The following ARHGEF10L variants were observed in gnomAD, a reference collection of about 807,000 sequenced individuals.
The protein encoded by ARHGEF10L is rho guanine nucleotide exchange factor 10-like protein.
Under a neutral mutation model 141.2 loss-of-function variants are expected in ARHGEF10L, and 69 were observed. The ratio of observed to expected loss-of-function variants is 0.49; its 90% CI spans 0.40 to 0.60. The LOEUF (loss-of-function observed/expected upper bound fraction) is 0.60. Among genes scored for constraint, ARHGEF10L ranks in the 20% least tolerant of loss-of-function variants. The probability of loss-of-function intolerance (pLI) is 0.00; values close to 1 mark genes in which losing one functional copy is unlikely to be tolerated. For synonymous variants in ARHGEF10L, 711 were observed against 718.5 expected, an observed-to-expected ratio of 0.99 and a Z score of 0.17; for missense variants, 1,482 against 1,734.3, an observed-to-expected ratio of 0.85 and a Z score of 2.58.
intron 4 of ARHGEF10L, among the ~76,000 whole-genome samples, chr1:17,591,836 C>T (rs1020793296): frequency 1.3e-5 from 2 of 152,222 alleles, no homozygotes; most frequent in Non-Finnish European, 2.9e-5. Context: ...GCATGAACCA[C>T]TGCATCTGGC....
At chr1:17,523,884 T>C in the ARHGEF10L span, among the ~76,000 whole-genome samples, 4 of 152,196 alleles carry the variant, frequency 2.6e-5, no homozygotes, top group African/African-American at 9.7e-5. Context: ...CATTGGCACA[T>C]GCACACAGAG....
rs1277820785 is a variant in ARHGEF10L, at chr1:17,654,455, A to G, written c.2395-181A>G. ...CGGAAGGTTCTAGGAAAGGAAGAACAAATGTGAGCGTGTAGGAACTGCCTG... is the reference window on the plus strand; with the variant it reads ...CGGAAGGTTCTAGGAAAGGAAGAACGAATGTGAGCGTGTAGGAACTGCCTG... On this transcript the variant is annotated intron_variant, in intron 22 of 28. Coordinates refer to ENST00000361221, the MANE Select transcript of ARHGEF10L (RefSeq NM_018125.4). This position sits in a 1 kb window ranked among gnomAD's most constrained non-coding sequence, Gnocchi z 4.3. Among the ~76,000 whole-genome samples, 4 of 152,178 alleles carry G rather than the reference A, an allele frequency of 2.6e-5. No individual in the cohort carries two copies. Among genetic ancestry groups the G allele is most frequent in the African/African-American group, 9.7e-5 (4 of 41,440 alleles).
chr1:17,661,364 C>T (rs2062614354), intron 25 of ARHGEF10L, among the ~76,000 whole-genome samples: 2 of 152,264 alleles, frequency 1.3e-5, no homozygotes, highest in African/African-American at 4.8e-5. Context: ...AGGCGTGAGC[C>T]ACCGTACCCG....
At chr1:17,647,098 G>A (rs1041406395) in intron 21 of ARHGEF10L, among the ~76,000 whole-genome samples, 2 of 152,208 alleles carry the variant, frequency 1.3e-5, no homozygotes, top group East Asian at 1.9e-4. Flanking sequence ...GGCTGCCTGC[G>A]ACAGAGCTAC....
chr1:17,540,862 G>C (rs76843002), intron 1 of ARHGEF10L, among the ~76,000 whole-genome samples: 4 of 152,180 alleles, frequency 2.6e-5, no homozygotes, highest in African/African-American at 9.7e-5. Flanking sequence ...GCTCCTCCTC[G>C]GGTTCTGGGG....
At chr1:17,601,335 A>G (rs2080664908) in intron 4 of ARHGEF10L, among the ~76,000 whole-genome samples, 1 of 152,000 alleles carries the variant, frequency 6.6e-6, no homozygotes, top group South Asian at 2.1e-4. Flanking sequence ...GCTGTTTCCC[A>G]TTTGCATGTC....
chr1:17,514,043 C>G, the ARHGEF10L span, among the ~76,000 whole-genome samples: 2,179 of 147,546 alleles, frequency 0.015, 54 homozygotes, highest in African/African-American at 0.051. Context: ...AGGCTGGTCT[C>G]GAACTCCTGA....
chr1:17,599,118 C>T (rs1281126736), intron 4 of ARHGEF10L, among the ~76,000 whole-genome samples: 2 of 152,000 alleles, frequency 1.3e-5, no homozygotes, highest in Non-Finnish European at 2.9e-5. Context: ...GGCAGATCAC[C>T]TGAGGTCAGG....
chr1:17,641,653 C>A (rs1411054843), intron 21 of ARHGEF10L, among the ~76,000 whole-genome samples: 1 of 150,990 alleles, frequency 6.6e-6, no homozygotes, highest in Non-Finnish European at 1.5e-5. Context: ...CAAAACACAA[C>A]AAAACAAACA....
intron 22 of ARHGEF10L, among the ~76,000 whole-genome samples, chr1:17,651,784 C>G (rs1376453156): frequency 6.6e-6 from 1 of 152,150 alleles, no homozygotes; most frequent in African/African-American, 2.4e-5. Context: ...GCGAGTGACT[C>G]TCTGTGGTAA....
intron 4 of ARHGEF10L, 136 bp from the exon 5 acceptor site, chr1:17,601,991 T>C: frequency 1.4e-6 from 1 of 724,574 alleles, no homozygotes; most frequent in South Asian, 1.9e-5. Flanking sequence ...TGAGGCCAAC[T>C]CCACCTCAGG....
chr1:17,696,843 T>G lies in ARHGEF10L; in HGVS notation c.3308-5T>G, dbSNP rs779428069. On this transcript the variant is annotated splice_polypyrimidine_tract_variant and splice_region_variant and intron_variant, in intron 28 of 28. Coordinates refer to ENST00000361221, the MANE Select transcript of ARHGEF10L (RefSeq NM_018125.4). The stretch of plus-strand genomic sequence containing the variant: ...CCCCTTTCTCTCTCGCCCCATTTTC[T>G]GCAGGGAAAGGCATGGTCTCACTCA... The G allele has an allele frequency of 2.6e-6, 4 of 1,526,904 alleles. No individual in the cohort carries two copies. Among genetic ancestry groups the G allele is most frequent in the Non-Finnish European group, 3.5e-6 (4 of 1,136,152 alleles). 94.6% of individuals were successfully genotyped at this position (1,526,904 alleles called of 1,614,324 possible).
At chr1:17,544,442 G>A (rs747147120) in intron 1 of ARHGEF10L, among the ~76,000 whole-genome samples, 12 of 151,090 alleles carry the variant, frequency 7.9e-5, no homozygotes, top group Non-Finnish European at 1.2e-4. Flanking sequence ...CTACAGGCGT[G>A]CACCACTACT....
At chr1:17,614,946 C>T (rs1222601910) in intron 8 of ARHGEF10L, 2 of 152,144 alleles carry the variant, frequency 1.3e-5, no homozygotes, top group Admixed American at 6.6e-5. Context: ...AGAGCAGAGA[C>T]CAGAGACAAC....
intron 1 of ARHGEF10L, among the ~76,000 whole-genome samples, chr1:17,554,040 A>C (rs2077210131): frequency 1.3e-5 from 2 of 152,216 alleles, no homozygotes; most frequent in South Asian, 4.1e-4. Context: ...GAGGAAGTGC[A>C]GAGGATACGT....
In ARHGEF10L at chr1:17,547,405, TG is replaced by T. The variant is rs566797859; in HGVS notation, c.-44+7457del. On this transcript the variant is annotated intron_variant, in intron 1 of 28. Coordinates refer to ENST00000361221, the MANE Select transcript of ARHGEF10L (RefSeq NM_018125.4). Reference sequence around the variant, plus strand: ...GAACCCCTCTTTCTCCTTGAGAGCCTGGCCCCAGAGTGCCCTCCTCTCTGTA... The same window carrying T: ...GAACCCCTCTTTCTCCTTGAGAGCCTGCCCCAGAGTGCCCTCCTCTCTGTA... Among the ~76,000 whole-genome samples, 1,094 of 152,368 alleles carry T rather than the reference TG, an allele frequency of 7.2e-3. 12 individuals are homozygous for T. Among genetic ancestry groups the T allele is most frequent in the Non-Finnish European group, 0.011 (765 of 68,034 alleles).
At chr1:17,541,340 TG>T (rs2076721191) in intron 1 of ARHGEF10L, among the ~76,000 whole-genome samples, 1 of 152,200 alleles carries the variant, frequency 6.6e-6, no homozygotes, top group Admixed American at 6.5e-5. Context: ...AGTCTTCCAG[TG>T]GAACAGGGGC....
At chr1:17,618,615 C>T (rs74059350) in intron 9 of ARHGEF10L, 4 of 969,842 alleles carry the variant, frequency 4.1e-6, no homozygotes, top group Admixed American at 7.5e-5. Flanking sequence ...GCTCCCATTT[C>T]CTGCTGCCCA....
chr1:17,614,259 C>T (rs970080611), intron 8 of ARHGEF10L, among the ~76,000 whole-genome samples: 2 of 152,160 alleles, frequency 1.3e-5, no homozygotes, highest in East Asian at 1.9e-4. Flanking sequence ...CAGATACCCG[C>T]GAGAGGCCTG....
Sources: gnomAD v4.1 joint callset for allele counts (sites outside exome capture counted in the v4.1 genomes callset) on GRCh38, gnomAD v4.1.1 for gene constraint, Gnocchi (gnomAD v3.1) non-coding constraint, MANE v1.5 for transcripts, NCBI Gene and HGNC (gene_info 2026-07-23, HGNC 2026-07-21) for gene names.